The following MSANTD5 variants were observed in gnomAD, a reference collection of about 807,000 sequenced individuals.
The protein encoded by MSANTD5 is uncharacterized protein MSANTD5.
chr5:178,695,512 T>G (rs1029040099), exon 3 of MSANTD5: 5 of 152,134 alleles, frequency 3.3e-5, no homozygotes, highest in African/African-American at 1.2e-4. Context: ...TACTTCTTCT[T>G]CACCCTGTAC....
chr5:178,697,308 G>C (rs918400888), intron 1 of MSANTD5, among the ~76,000 whole-genome samples: 4 of 151,334 alleles, frequency 2.6e-5, no homozygotes, highest in Non-Finnish European at 4.4e-5. Context: ...CAAAAAATTA[G>C]CCGGGCGTGG....
chr5:178,695,930 TA>T (rs1765407849), intron 2 of MSANTD5, among the ~76,000 whole-genome samples, 166 bp downstream of exon 2: 1 of 152,188 alleles, frequency 6.6e-6, no homozygotes, highest in Non-Finnish European at 1.5e-5. Context: ...TGGGGCCTTT[TA>T]CTGTCACCTG....
the MSANTD5 span, among the ~76,000 whole-genome samples, chr5:178,704,106 A>G: frequency 3.9e-3 from 595 of 152,348 alleles, 8 homozygotes; most frequent in African/African-American, 0.014. Context: ...AAATTTTTAA[A>G]AGAAAATCAC....
chr5:178,695,597 G>A (rs1266955997), exon 3 of MSANTD5: 5 of 152,136 alleles, frequency 3.3e-5, no homozygotes, highest in Non-Finnish European at 5.9e-5. Context: ...TAACTGACTG[G>A]ACTGGAAGGA....
At chr5:178,695,711 A>AT (rs1765405497) in intron 2 of MSANTD5, 113 bp from the exon 3 acceptor site, 1 of 152,194 alleles carries the variant, frequency 6.6e-6, no homozygotes, top group South Asian at 2.1e-4. Context: ...ATGGGAGATA[A>AT]TAGGACCTTA....
At chr5:178,696,434 C>G in intron 1 of MSANTD5, among the ~76,000 whole-genome samples, 1 of 152,130 alleles carries the variant, frequency 6.6e-6, no homozygotes, top group Admixed American at 6.5e-5. Flanking sequence ...CCTCGTTAGT[C>G]AGGCTGGTCT....
At chr5:178,702,624 GTC>G (rs997632653), upstream of MSANTD5, among the ~76,000 whole-genome samples, 1 of 149,782 alleles carries the variant, frequency 6.7e-6, no homozygotes, top group Non-Finnish European at 1.5e-5. Flanking sequence ...TCAAGACAGA[GTC>G]TCTCTCTGTT....
chr5:178,698,875 GC>G (rs1765448014), upstream of MSANTD5, among the ~76,000 whole-genome samples: 1 of 151,170 alleles, frequency 6.6e-6, no homozygotes, highest in Non-Finnish European at 1.5e-5. Context: ...GCAGGTGTGA[GC>G]CACCATGCTG....
At chr5:178,699,372 T>G (rs1047655907), upstream of MSANTD5, among the ~76,000 whole-genome samples, 1 of 152,218 alleles carries the variant, frequency 6.6e-6, no homozygotes, top group African/African-American at 2.4e-5. Flanking sequence ...CCTGAATTCT[T>G]TATCTTCTCA....
At chr5:178,700,135 C>G (rs528569046), upstream of MSANTD5, among the ~76,000 whole-genome samples, 2 of 152,252 alleles carry the variant, frequency 1.3e-5, no homozygotes, top group East Asian at 3.9e-4. Flanking sequence ...CCTGCAGGCC[C>G]CCGTCGCCCT....
At chr5:178,704,925 C>T in the MSANTD5 span, among the ~76,000 whole-genome samples, 1 of 152,168 alleles carries the variant, frequency 6.6e-6, no homozygotes, top group African/African-American at 2.4e-5. Context: ...AGGCACTTTT[C>T]CAGGCAGTGA....
At chr5:178,702,073 TG>T (rs1765491749), upstream of MSANTD5, among the ~76,000 whole-genome samples, 1 of 148,606 alleles carries the variant, frequency 6.7e-6, no homozygotes, top group African/African-American at 2.5e-5. Context: ...AGAACTTCCC[TG>T]GATTAACTAA....
downstream of MSANTD5, among the ~76,000 whole-genome samples, chr5:178,693,504 A>G (rs1231524348): frequency 1.3e-5 from 2 of 151,926 alleles, no homozygotes; most frequent in Non-Finnish European, 2.9e-5. Flanking sequence ...TGACTTCAAC[A>G]ATGAAGCCAC....
At chr5:178,701,597 G>C (rs948627592), upstream of MSANTD5, among the ~76,000 whole-genome samples, 2 of 150,662 alleles carry the variant, frequency 1.3e-5, no homozygotes, top group African/African-American at 4.9e-5. Flanking sequence ...TCTTGAACCT[G>C]GGAGGCGGAG....
intron 1 of MSANTD5, among the ~76,000 whole-genome samples, chr5:178,696,989 C>T (rs1203608726): frequency 2.0e-5 from 3 of 152,156 alleles, no homozygotes; most frequent in African/African-American, 7.2e-5. Flanking sequence ...AGTAAAAAGT[C>T]TGCCTAGTCC....
downstream of MSANTD5, among the ~76,000 whole-genome samples, chr5:178,694,041 G>A (rs1225952764): frequency 6.6e-6 from 1 of 152,024 alleles, no homozygotes; most frequent in African/African-American, 2.4e-5. Flanking sequence ...TTCTGGCTGG[G>A]CGCAGTGGCT....
upstream of MSANTD5, among the ~76,000 whole-genome samples, chr5:178,699,438 T>A (rs1765453641): frequency 6.6e-6 from 1 of 151,690 alleles, no homozygotes; most frequent in African/African-American, 2.4e-5. Context: ...TTCCTTCTTT[T>A]TTTTTTTCTG....
chr5:178,692,710 T>C (rs999086966), downstream of MSANTD5, among the ~76,000 whole-genome samples: 2 of 152,092 alleles, frequency 1.3e-5, no homozygotes, highest in African/African-American at 4.8e-5. Flanking sequence ...ATTCCATTTA[T>C]ATAACATTGT....
upstream of MSANTD5, among the ~76,000 whole-genome samples, chr5:178,702,490 G>C (rs111783227): frequency 8.9e-3 from 1,351 of 151,654 alleles, 11 homozygotes; most frequent in African/African-American, 0.03. Context: ...TAGTAGAGAC[G>C]GGCTTTCACC....
Sources: gnomAD v4.1 joint callset for allele counts (sites outside exome capture counted in the v4.1 genomes callset) on GRCh38, gnomAD v4.1.1 for gene constraint, MANE v1.5 for transcripts, NCBI Gene and HGNC (gene_info 2026-07-23, HGNC 2026-07-21) for gene names.